The following CDC42SE2 variants were observed in gnomAD, a reference collection of about 807,000 sequenced individuals.
CDC42SE2 encodes the protein CDC42 small effector 2.
Under a neutral mutation model 11.5 loss-of-function variants are expected in CDC42SE2, and 3 were observed. That is an observed-to-expected ratio of 0.26 (90% confidence interval 0.12 to 0.67). CDC42SE2 has a LOEUF of 0.67. Among genes scored for constraint, CDC42SE2 ranks in the 30% least tolerant of loss-of-function variants. CDC42SE2 has a pLI of 0.80. For missense variants in CDC42SE2, 82 were observed against 106.8 expected (o/e 0.77, Z 1.02); for synonymous variants, 33 against 34.8 (o/e 0.95, Z 0.18).
intron 1 of CDC42SE2, among the ~76,000 whole-genome samples, chr5:131,270,927 T>C (rs1044323072): frequency 6.6e-6 from 1 of 151,944 alleles, no homozygotes; most frequent in East Asian, 1.9e-4. Context: ...AGCTTAGGAT[T>C]ACAGAGAAAA....
At chr5:131,334,175 G>A (rs552645465) in intron 2 of CDC42SE2, among the ~76,000 whole-genome samples, 6 of 152,064 alleles carry the variant, frequency 3.9e-5, no homozygotes, top group Admixed American at 2.6e-4. Context: ...TAGCATGAAG[G>A]GTTGTTGAAT....
chr5:131,262,654 C>T (rs559687286), upstream of CDC42SE2, among the ~76,000 whole-genome samples: 3 of 152,142 alleles, frequency 2.0e-5, no homozygotes, highest in Non-Finnish European at 4.4e-5. Context: ...TCTCAGGTCT[C>T]TAATATAAAA....
chr5:131,295,545 C>T (rs997877779), intron 1 of CDC42SE2, among the ~76,000 whole-genome samples: 5 of 151,992 alleles, frequency 3.3e-5, no homozygotes, highest in Non-Finnish European at 5.9e-5. Flanking sequence ...CATTTAAATG[C>T]GTCACATACA....
At chr5:131,269,720 C>G (rs982869906) in intron 1 of CDC42SE2, among the ~76,000 whole-genome samples, 1 of 151,374 alleles carries the variant, frequency 6.6e-6, no homozygotes, top group Non-Finnish European at 1.5e-5. Flanking sequence ...GCCGAGATTG[C>G]GCCACTGCAC....
chr5:131,269,583 A>G lies in CDC42SE2; in HGVS notation c.-455+5417A>G, dbSNP rs145437600. Among the ~76,000 whole-genome samples, 398 of 151,762 alleles carry G rather than the reference A, an allele frequency of 2.6e-3. 4 individuals are homozygous for G. Among genetic ancestry groups the G allele is most frequent in the African/African-American group, 9.2e-3 (381 of 41,450 alleles). Reference sequence around the variant, plus strand: ...CAGGAGTTCGAGACCAGCCTGGCCTATGAAACCTTGTCTTTACTAAAAATA... The same window carrying G: ...CAGGAGTTCGAGACCAGCCTGGCCTGTGAAACCTTGTCTTTACTAAAAATA... On this transcript the variant is annotated intron_variant, in intron 1 of 4. Coordinates refer to ENST00000505065, the MANE Select transcript of CDC42SE2 (RefSeq NM_001375635.1).
chr5:131,252,275 C>G (rs1468289387), intron 1 of CDC42SE2, among the ~76,000 whole-genome samples: 1 of 152,198 alleles, frequency 6.6e-6, no homozygotes, highest in Non-Finnish European at 1.5e-5. Context: ...GAACTTTACT[C>G]TTAAAGCAAC....
chr5:131,238,662 A>T, the CDC42SE2 span, among the ~76,000 whole-genome samples: 2 of 151,526 alleles, frequency 1.3e-5, no homozygotes, highest in South Asian at 4.2e-4. Context: ...AAAAAATATT[A>T]TTTTTCTCTA....
intron 1 of CDC42SE2, among the ~76,000 whole-genome samples, chr5:131,280,625 G>A (rs1360846529): frequency 6.6e-6 from 1 of 152,082 alleles, no homozygotes; most frequent in Non-Finnish European, 1.5e-5. Flanking sequence ...TCTTACCATT[G>A]CACAATAGCC....
intron 1 of CDC42SE2, among the ~76,000 whole-genome samples, chr5:131,298,067 A>AC (rs1373679210): frequency 2.0e-5 from 3 of 151,972 alleles, no homozygotes; most frequent in African/African-American, 7.2e-5. Flanking sequence ...AGAGTGGGTT[A>AC]GAGTAATGTG....
At chr5:131,301,385 A>G (rs1757675086) in intron 1 of CDC42SE2, among the ~76,000 whole-genome samples, 1 of 152,180 alleles carries the variant, frequency 6.6e-6, no homozygotes, top group African/African-American at 2.4e-5. Context: ...GGGTATGCCA[A>G]TTACCCCGAC....
chr5:131,355,418 A>G (rs753878970), intron 2 of CDC42SE2, among the ~76,000 whole-genome samples: 2 of 151,916 alleles, frequency 1.3e-5, no homozygotes, highest in Non-Finnish European at 2.9e-5. Flanking sequence ...TCAAGGCTGC[A>G]GTGAGCCAGG....
At chr5:131,266,163 T>TAACA (rs1412732708) in intron 1 of CDC42SE2, among the ~76,000 whole-genome samples, 3 of 152,182 alleles carry the variant, frequency 2.0e-5, no homozygotes, top group Admixed American at 6.5e-5. Context: ...ATGAGATTTG[T>TAACA]AGTTTTGCAT....
chr5:131,299,505 G>A (rs1477773678), intron 1 of CDC42SE2, among the ~76,000 whole-genome samples: 2 of 152,114 alleles, frequency 1.3e-5, no homozygotes, highest in Non-Finnish European at 2.9e-5. Flanking sequence ...GTAGATGAGA[G>A]GGAATTTAAT....
At chr5:131,319,789 C>T (rs1384779664) in intron 2 of CDC42SE2, among the ~76,000 whole-genome samples, 2 of 152,072 alleles carry the variant, frequency 1.3e-5, no homozygotes, top group Admixed American at 6.5e-5. Flanking sequence ...CGGTGGCTCA[C>T]GCCTGTAATC....
intron 2 of CDC42SE2, among the ~76,000 whole-genome samples, chr5:131,352,945 C>T (rs934229724): frequency 2.0e-5 from 3 of 152,034 alleles, no homozygotes; most frequent in African/African-American, 7.3e-5. Flanking sequence ...TGATCTTCCT[C>T]AATTCATTAT....
chr5:131,356,484 C>T (rs1287607071), intron 2 of CDC42SE2, among the ~76,000 whole-genome samples: 2 of 152,122 alleles, frequency 1.3e-5, no homozygotes, highest in South Asian at 2.1e-4. Context: ...GTATTGATAT[C>T]ACATTCCAAA....
intron 1 of CDC42SE2, among the ~76,000 whole-genome samples, chr5:131,275,234 C>T (rs1237898501): frequency 1.3e-5 from 2 of 151,142 alleles, no homozygotes; most frequent in African/African-American, 2.4e-5. Context: ...AGTGATGTTT[C>T]TTCAATTCTG....
At chr5:131,340,985 T>C (rs1248834933) in intron 2 of CDC42SE2, among the ~76,000 whole-genome samples, 1 of 152,154 alleles carries the variant, frequency 6.6e-6, no homozygotes, top group African/African-American at 2.4e-5. Context: ...CCTGAGTATG[T>C]ACTTTCTGAA....
intron 1 of CDC42SE2, among the ~76,000 whole-genome samples, chr5:131,266,764 A>G (rs1237942984): frequency 1.3e-5 from 2 of 151,994 alleles, no homozygotes; most frequent in Non-Finnish European, 2.9e-5. Context: ...AAAAATAAGG[A>G]AAGTAATTCT....
Sources: gnomAD v4.1 joint callset for allele counts (sites outside exome capture counted in the v4.1 genomes callset) on GRCh38, gnomAD v4.1.1 for gene constraint, MANE v1.5 for transcripts, NCBI Gene and HGNC (gene_info 2026-07-23, HGNC 2026-07-21) for gene names.